CD200: variants seen among roughly 807,000 people sequenced by gnomAD.
CD200 encodes the protein CD200 molecule.
In CD200, 15 loss-of-function variants were observed where a neutral mutation model predicts 30.9. The ratio of observed to expected loss-of-function variants is 0.49; its 90% CI spans 0.32 to 0.75. CD200 has a LOEUF of 0.75. Among genes scored for constraint, CD200 ranks in the 30% least tolerant of loss-of-function variants. CD200 has a pLI of 0.03. For missense variants in CD200, 262 were observed against 324.2 expected (o/e 0.81, Z 1.47); for synonymous variants, 134 against 126.2 (o/e 1.06, Z -0.41).
intron 1 of CD200, among the ~76,000 whole-genome samples, chr3:112,340,617 C>G (rs2081217259): frequency 6.6e-6 from 1 of 152,154 alleles, no homozygotes; most frequent in Non-Finnish European, 1.5e-5. Flanking sequence ...GATCCTATGT[C>G]TTTGAGACCT....
At chr3:112,360,381 G>T (rs2081717835) in intron 5 of CD200, among the ~76,000 whole-genome samples, 1 of 151,800 alleles carries the variant, frequency 6.6e-6, no homozygotes. Context: ...CTCCCAATAT[G>T]GTCTGAGGAT....
chr3:112,356,397 A>G (rs1335793128), intron 5 of CD200, among the ~76,000 whole-genome samples: 1 of 152,182 alleles, frequency 6.6e-6, no homozygotes, highest in Non-Finnish European at 1.5e-5. Context: ...TTTATGGTGT[A>G]CAACATGATA....
At chr3:112,337,825 G>A (rs2081152714) in intron 1 of CD200, among the ~76,000 whole-genome samples, 1 of 152,048 alleles carries the variant, frequency 6.6e-6, no homozygotes, top group African/African-American at 2.4e-5. Context: ...GATACCAGTT[G>A]GTGGATGGTG....
At chr3:112,353,324 G>GC (rs773135924) in intron 5 of CD200, among the ~76,000 whole-genome samples, 36,504 of 151,764 alleles carry the variant, frequency 0.24, 4,674 homozygotes, top group Non-Finnish European at 0.29. Flanking sequence ...CTTTGCTTTG[G>GC]TTTGGTTGAG....
chr3:112,361,935 C>A lies in CD200; in HGVS notation c.*385C>A. 1 of 203,060 alleles carries A rather than the reference C, an allele frequency of 4.9e-6. No homozygotes were observed. Among genetic ancestry groups the A allele is most frequent in the Non-Finnish European group, 9.8e-6 (1 of 102,028 alleles). The allele number at this position is 203,060 out of a possible 1,614,324, so 12.6% of individuals were successfully genotyped here. Reference sequence around the variant, plus strand: ...AAAGGAATTGGACCAAATAATTTACCACATAGCTCTAAAACTTAATTTAAA... The same window carrying A: ...AAAGGAATTGGACCAAATAATTTACAACATAGCTCTAAAACTTAATTTAAA... On this transcript the variant is annotated 3_prime_UTR_variant, in exon 6 of 6. Coordinates refer to ENST00000315711, the MANE Select transcript of CD200 (RefSeq NM_005944.7).
In CD200 at chr3:112,334,015, ATGGTT is replaced by A. The variant is rs2081057672; in HGVS notation, c.12+794_12+798del. The stretch of plus-strand genomic sequence containing the variant: ...ATGCCTCAAGATAATTTTTTCATGT[ATGGTT>A]TGTTGGCAAGACCACATAGCCAATG... On this transcript the variant is annotated intron_variant, in intron 1 of 5. Coordinates refer to ENST00000315711, the MANE Select transcript of CD200 (RefSeq NM_005944.7). 7 of 985,324 alleles carry A rather than the reference ATGGTT, an allele frequency of 7.1e-6. No homozygotes were observed. In the South Asian group the frequency reaches 3.3e-4, roughly 46 times the overall value. 61.0% of individuals were successfully genotyped at this position (985,324 alleles called of 1,614,324 possible).
rs565828259 is a variant in CD200, at chr3:112,333,382, A to G, written c.12+158A>G. 10 of 985,338 alleles carry G rather than the reference A, an allele frequency of 1.0e-5. No homozygotes were observed. The Admixed American group carries it at 1.8e-4, about 18-fold the overall frequency. 61.0% of individuals were successfully genotyped at this position (985,338 alleles called of 1,614,324 possible). A position where few individuals can be genotyped will look rare whatever the true frequency, so the allele number is the denominator to read the frequency against. On this transcript the variant is annotated intron_variant, in intron 1 of 5. Coordinates refer to ENST00000315711, the MANE Select transcript of CD200 (RefSeq NM_005944.7). ...GGTGTTGATGGCAGCGCTTTTCTCTAAGCGCTTTCTCTTGCTGAGAAACGG... is the reference window on the plus strand; with the variant it reads ...GGTGTTGATGGCAGCGCTTTTCTCTGAGCGCTTTCTCTTGCTGAGAAACGG...
chr3:112,347,975 C>T, intron 4 of CD200, 145 bp downstream of exon 4: 4 of 730,464 alleles, frequency 5.5e-6, no homozygotes, highest in Non-Finnish European at 6.5e-6. Flanking sequence ...CAAAACAAAA[C>T]AAAAAAATTG....
intron 5 of CD200, among the ~76,000 whole-genome samples, chr3:112,357,258 C>CAAA (rs753148544): frequency 6.5e-4 from 53 of 81,740 alleles, no homozygotes; most frequent in African/African-American, 1.4e-3. Flanking sequence ...GAGACTGTCT[C>CAAA]AAAAAAAAAA....
chr3:112,339,144 T>C (rs1168966310), intron 1 of CD200, among the ~76,000 whole-genome samples: 1 of 152,208 alleles, frequency 6.6e-6, no homozygotes, highest in Non-Finnish European at 1.5e-5. Flanking sequence ...TAAGTTGGAG[T>C]ATTATTTTAA....
At chr3:112,353,401 CT>C (rs977798654) in intron 5 of CD200, among the ~76,000 whole-genome samples, 2 of 151,752 alleles carry the variant, frequency 1.3e-5, no homozygotes, top group African/African-American at 2.4e-5. Flanking sequence ...CCAAACTTCA[CT>C]TTTTTTTCAA....
intron 1 of CD200, among the ~76,000 whole-genome samples, chr3:112,335,497 G>A (rs1199910548): frequency 6.6e-6 from 1 of 152,172 alleles, no homozygotes; most frequent in Non-Finnish European, 1.5e-5. Context: ...TGTAGCCTTA[G>A]AGATGTAAGG....
intron 3 of CD200, among the ~76,000 whole-genome samples, chr3:112,345,992 T>C (rs996761383): frequency 5.9e-5 from 9 of 152,148 alleles, no homozygotes; most frequent in African/African-American, 1.7e-4. Context: ...ACGGCAGTAG[T>C]TTTAGGGAGT....
intron 5 of CD200, among the ~76,000 whole-genome samples, chr3:112,352,574 G>A (rs184779292): frequency 6.6e-6 from 1 of 151,900 alleles, no homozygotes; most frequent in East Asian, 1.9e-4. Flanking sequence ...AGAGTGTTTA[G>A]AGTTTGTAGA....
chr3:112,339,109 T>TC (rs1329590423), intron 1 of CD200, among the ~76,000 whole-genome samples: 35 of 152,356 alleles, frequency 2.3e-4, no homozygotes, highest in African/African-American at 7.0e-4. Context: ...TTAGCATTAG[T>TC]GGTTTAGTAA....
At chr3:112,336,986 GCT>G (rs1273430363) in intron 1 of CD200, among the ~76,000 whole-genome samples, 6 of 152,222 alleles carry the variant, frequency 3.9e-5, no homozygotes, top group Middle Eastern at 3.4e-3. Context: ...CTGCTTTAGT[GCT>G]ATAATTTTTT....
At chr3:112,346,706 T>C (rs892084851) in intron 3 of CD200, among the ~76,000 whole-genome samples, 1 of 152,222 alleles carries the variant, frequency 6.6e-6, no homozygotes, top group African/African-American at 2.4e-5. Context: ...CAGCCCAGGC[T>C]TTCAGTTAGC....
intron 5 of CD200, among the ~76,000 whole-genome samples, chr3:112,351,041 T>C (rs2081521434): frequency 1.3e-5 from 2 of 152,186 alleles, no homozygotes; most frequent in Non-Finnish European, 2.9e-5. Flanking sequence ...GTGGAACTCA[T>C]AAGTGCTCCA....
Position 112,342,407 on chromosome 3 carries a change from T to C in CD200, c.94+1424T>C, listed in dbSNP as rs28649206. On this transcript the variant is annotated intron_variant, in intron 2 of 5. Transcript: ENST00000315711. ...TTTCTTTCTTTCTTTCTTTCTTTCT[T>C]TCTTTCTTTCTTTCTTTCTTTCTTC... Among the ~76,000 whole-genome samples the C allele has an allele frequency of 6.7e-5, 5 of 74,984 alleles. 1 individual carries two copies. Among genetic ancestry groups the C allele is most frequent in the African/African-American group, 2.0e-4 (4 of 19,868 alleles). The allele number at this position is 74,984 out of a possible 152,430, so 49.2% of individuals were successfully genotyped here.
Sources: allele counts gnomAD v4.1 joint callset (sites outside exome capture counted in the v4.1 genomes callset), GRCh38; gene constraint gnomAD v4.1.1; transcripts MANE v1.5; gene names NCBI Gene and HGNC (gene_info 2026-07-23, HGNC 2026-07-21).